ZC3H8: variants seen among roughly 807,000 people sequenced by gnomAD.
The protein encoded by ZC3H8 is zinc finger CCCH domain-containing protein 8.
ZC3H8 carries 27 observed loss-of-function variants against 42.5 expected under a neutral mutation model. That is an observed-to-expected ratio of 0.64 (90% CI 0.47 to 0.88). The LOEUF is 0.88. Among genes scored for constraint, ZC3H8 ranks in the 40% least tolerant of loss-of-function variants. The pLI is 0.00. For missense variants in ZC3H8, 277 were observed against 336.1 expected (o/e 0.82, Z 1.37); for synonymous variants, 101 against 110.1 (o/e 0.92, Z 0.52).
At chr2:112,242,508 A>G (rs568361803) in intron 2 of ZC3H8, among the ~76,000 whole-genome samples, 3 of 152,302 alleles carry the variant, frequency 2.0e-5, no homozygotes, top group Admixed American at 6.5e-5. Flanking sequence ...TGCTTCATTG[A>G]GTACCTCATG....
chr2:112,245,944 A>C (rs2104667919), intron 2 of ZC3H8, among the ~76,000 whole-genome samples: 1 of 152,358 alleles, frequency 6.6e-6, no homozygotes, highest in South Asian at 2.1e-4. Flanking sequence ...AAAAGGCTTC[A>C]AAAAGATAGG....
intron 2 of ZC3H8, 156 bp downstream of exon 2, chr2:112,250,035 A>G (rs186426664): frequency 4.2e-5 from 20 of 476,816 alleles, no homozygotes; most frequent in Non-Finnish European, 1.1e-5. Context: ...GATATAAGTA[A>G]CTGGGTCCCA....
intron 4 of ZC3H8, among the ~76,000 whole-genome samples, chr2:112,234,665 T>C (rs1011810202): frequency 2.6e-5 from 4 of 151,916 alleles, no homozygotes; most frequent in Non-Finnish European, 5.9e-5. Flanking sequence ...CTGGGAGTGG[T>C]GGTGTGCGCC....
At chr2:112,234,508 T>A (rs985807066) in intron 4 of ZC3H8, among the ~76,000 whole-genome samples, 12 of 152,118 alleles carry the variant, frequency 7.9e-5, no homozygotes, top group Non-Finnish European at 1.2e-4. Context: ...ATGAAAAAAA[T>A]TTTTTAAATG....
intron 2 of ZC3H8, among the ~76,000 whole-genome samples, chr2:112,246,005 T>C (rs1293936370): frequency 6.6e-6 from 1 of 152,198 alleles, no homozygotes; most frequent in Non-Finnish European, 1.5e-5. Context: ...TTGAAACCAA[T>C]GCTCATTTAC....
intron 2 of ZC3H8, among the ~76,000 whole-genome samples, chr2:112,244,064 GAATA>G (rs968417657): frequency 2.1e-5 from 3 of 140,090 alleles, no homozygotes; most frequent in Admixed American, 2.1e-4. Flanking sequence ...AAAAGGATAT[GAATA>G]AATAATCTCA....
chr2:112,221,513 T>C (rs1280369762), intron 8 of ZC3H8, among the ~76,000 whole-genome samples: 9 of 152,166 alleles, frequency 5.9e-5, no homozygotes, highest in Middle Eastern at 3.2e-3. Context: ...AATTACCCAG[T>C]CTAAGGTATT....
At chr2:112,231,084 T>C (rs1193320720) in intron 7 of ZC3H8, 134 bp from the exon 8 acceptor site, 1 of 526,220 alleles carries the variant, frequency 1.9e-6, no homozygotes, top group African/African-American at 2.0e-5. Context: ...TTACTACTAC[T>C]ACAGGAACTG....
At chr2:112,252,146 C>T (rs142246788) in intron 1 of ZC3H8, among the ~76,000 whole-genome samples, 1 of 152,266 alleles carries the variant, frequency 6.6e-6, no homozygotes, top group Non-Finnish European at 1.5e-5. Flanking sequence ...AACCCAAACC[C>T]CTCTTCTTAA....
chr2:112,237,717 A>G (rs1685400651), intron 3 of ZC3H8, among the ~76,000 whole-genome samples: 1 of 151,958 alleles, frequency 6.6e-6, no homozygotes, highest in Non-Finnish European at 1.5e-5. Flanking sequence ...CTGGGATTAC[A>G]GGCATGTGCC....
chr2:112,234,139 A>G lies in ZC3H8; in HGVS notation c.602T>C (p.Leu201Pro). 6.3e-7 allele frequency: 1 copy of G among 1,588,692 alleles called. No homozygotes were observed. The highest frequency in any genetic ancestry group is 2.3e-5 in the East Asian group (1 of 44,392). ...RKGKQICKYFLERKCIKGDQC... is the reference protein window; with the variant it reads ...RKGKQICKYFPERKCIKGDQC... ...TTATACCTTAATACATTTCCTTTCA[A>G]GAAAATATTTACAAATTTGTTTTCC... The change falls in exon 5 of 9, where the codon CTT becomes CCT. Residue 201 changes from leucine (L) to proline (P), a missense_variant. Transcript: ENST00000409573.
intron 8 of ZC3H8, among the ~76,000 whole-genome samples, chr2:112,225,482 A>C (rs1199317943): frequency 1.3e-5 from 2 of 152,050 alleles, no homozygotes; most frequent in African/African-American, 2.4e-5. Context: ...TATGTCTAAA[A>C]AAAGACTACA....
chr2:112,231,275 A>T (rs1416993798), intron 7 of ZC3H8, among the ~76,000 whole-genome samples: 1 of 152,186 alleles, frequency 6.6e-6, no homozygotes, highest in Non-Finnish European at 1.5e-5. Flanking sequence ...TTTTGCCAGA[A>T]GATCGTATGG....
chr2:112,252,409 G>C (rs1313525273), intron 1 of ZC3H8, among the ~76,000 whole-genome samples: 1 of 152,076 alleles, frequency 6.6e-6, no homozygotes, highest in African/African-American at 2.4e-5. Context: ...ACCCACGTTT[G>C]ACCACTTCTT....
chr2:112,237,470 T>G (rs1299448240), intron 3 of ZC3H8, among the ~76,000 whole-genome samples: 1 of 152,176 alleles, frequency 6.6e-6, no homozygotes, highest in Non-Finnish European at 1.5e-5. Context: ...CCATCTATCC[T>G]GCAATGGCAT....
chr2:112,250,138 T>C (rs1473024747), intron 2 of ZC3H8, 53 bp downstream of exon 2: 17 of 1,374,672 alleles, frequency 1.2e-5, no homozygotes, highest in Non-Finnish European at 1.6e-5. Context: ...CATGTGAAAC[T>C]GAGAAAAAAA....
intron 8 of ZC3H8, among the ~76,000 whole-genome samples, chr2:112,229,954 AC>A (rs1685019874): frequency 6.6e-6 from 1 of 151,830 alleles, no homozygotes; most frequent in African/African-American, 2.4e-5. Context: ...AAAAAAAAAA[AC>A]AAAAAACGAA....
chr2:112,216,573 C>T (rs1016024810), intron 8 of ZC3H8, 105 bp from the exon 9 acceptor site: 3 of 151,684 alleles, frequency 2.0e-5, no homozygotes, highest in Non-Finnish European at 4.4e-5. Flanking sequence ...CAACAAAAAA[C>T]ATATAGCTGA....
At chr2:112,245,567 T>C (rs1685732067) in intron 2 of ZC3H8, among the ~76,000 whole-genome samples, 1 of 152,160 alleles carries the variant, frequency 6.6e-6, no homozygotes, top group Non-Finnish European at 1.5e-5. Flanking sequence ...AGCAGGAGAA[T>C]CGCTTGAACC....
Sources: allele counts gnomAD v4.1 joint callset (sites outside exome capture counted in the v4.1 genomes callset), GRCh38; gene constraint gnomAD v4.1.1; transcripts MANE v1.5; gene names NCBI Gene and HGNC (gene_info 2026-07-23, HGNC 2026-07-21).